Variants in SAMMSON observed in about 807,000 individuals in gnomAD.
SAMMSON encodes the protein survival associated mitochondrial melanoma specific oncogenic non-coding RNA, also known as long intergenic non-protein coding RNA 1212.
intron 3 of SAMMSON, among the ~76,000 whole-genome samples, chr3:70,023,753 C>T (rs1252302388): frequency 6.6e-6 from 1 of 152,182 alleles, no homozygotes; most frequent in Non-Finnish European, 1.5e-5. Flanking sequence ...CTATTTCGAG[C>T]TCTTGCCATG....
At chr3:70,124,814 C>CAAAAAAAAAAAAAAAAAAAAAAAAAA in intron 4 of SAMMSON, among the ~76,000 whole-genome samples, 1 of 53,698 alleles carries the variant, frequency 1.9e-5, no homozygotes, top group Non-Finnish European at 3.4e-5. Context: ...GACTCCATCT[C>CAAAAAAAAAAAAAAAAAAAAAAAAAA]AAAAAAAAAA....
intron 2 of SAMMSON, among the ~76,000 whole-genome samples, chr3:70,400,520 C>A (rs116604496): frequency 2.4e-3 from 365 of 152,268 alleles, no homozygotes; most frequent in African/African-American, 8.3e-3. Flanking sequence ...ACGCAGCTGC[C>A]CAATTGTGAA....
chr3:70,152,572 A>G (rs1275973575), intron 4 of SAMMSON, among the ~76,000 whole-genome samples: 2 of 151,924 alleles, frequency 1.3e-5, no homozygotes, highest in Non-Finnish European at 2.9e-5. Context: ...TTATTATCTA[A>G]CCCTCTCTGT....
At chr3:70,324,179 C>A (rs555648281) in intron 7 of SAMMSON, among the ~76,000 whole-genome samples, 1 of 103,766 alleles carries the variant, frequency 9.6e-6, no homozygotes, top group South Asian at 2.9e-4. Flanking sequence ...ATCTATCTAT[C>A]TATCTATCTA....
chr3:70,148,914 G>A (rs2067560058), intron 4 of SAMMSON, among the ~76,000 whole-genome samples: 1 of 152,064 alleles, frequency 6.6e-6, no homozygotes, highest in Non-Finnish European at 1.5e-5. Flanking sequence ...CTGAGATTAT[G>A]CCATCTGAGA....
At chr3:70,050,988 T>C (rs2067143646) in intron 3 of SAMMSON, among the ~76,000 whole-genome samples, 1 of 151,196 alleles carries the variant, frequency 6.6e-6, no homozygotes, top group Non-Finnish European at 1.5e-5. Context: ...ATACAAAAAT[T>C]AGCCAGGCAT....
chr3:70,184,243 T>C (rs959679086), intron 4 of SAMMSON: 1 of 152,228 alleles, frequency 6.6e-6, no homozygotes, highest in Non-Finnish European at 1.5e-5. Flanking sequence ...CTTTGGTTAA[T>C]ATATGTTTGG....
intron 3 of SAMMSON, chr3:70,013,983 A>AGAG (rs2066969950): frequency 6.6e-6 from 1 of 152,178 alleles, no homozygotes; most frequent in African/African-American, 2.4e-5. Context: ...TCCTCTTGTT[A>AGAG]GAGGCAGAGA....
At chr3:70,045,077 A>AACG (rs1491483667) in intron 3 of SAMMSON, among the ~76,000 whole-genome samples, 1 of 77,318 alleles carries the variant, frequency 1.3e-5, no homozygotes, top group Non-Finnish European at 2.2e-5. Flanking sequence ...TATTATAATT[A>AACG]ATATATATAA....
chr3:70,186,097 C>T (rs1289094009), intron 4 of SAMMSON, among the ~76,000 whole-genome samples: 1 of 152,182 alleles, frequency 6.6e-6, no homozygotes, highest in African/African-American at 2.4e-5. Flanking sequence ...CCACTTCAAA[C>T]ACAGAAAGAG....
At chr3:70,326,219 A>G (rs1702579701) in intron 7 of SAMMSON, among the ~76,000 whole-genome samples, 2 of 151,858 alleles carry the variant, frequency 1.3e-5, no homozygotes, top group South Asian at 4.1e-4. Context: ...CTCAGAGTGT[A>G]ACAATTGCAA....
chr3:70,283,786 G>A (rs13078037), intron 6 of SAMMSON: 66,312 of 146,430 alleles, frequency 0.45, 14,899 homozygotes, highest in East Asian at 0.65. Context: ...AAAAAAAAAA[G>A]AGAGAGAAGA....
chr3:70,206,680 T>C (rs946785979), intron 4 of SAMMSON: 3 of 397,834 alleles, frequency 7.5e-6, no homozygotes, highest in African/African-American at 6.2e-5. Flanking sequence ...TTTTTCTCAT[T>C]GGGGTTTTCC....
chr3:70,394,176 T>C (rs1318474123), downstream of SAMMSON, among the ~76,000 whole-genome samples: 1 of 152,176 alleles, frequency 6.6e-6, no homozygotes, highest in East Asian at 1.9e-4. Context: ...GACTCATTTC[T>C]GATCACAGGT....
intron 3 of SAMMSON, among the ~76,000 whole-genome samples, chr3:70,018,673 T>C (rs2066997669): frequency 6.6e-6 from 1 of 152,142 alleles, no homozygotes; most frequent in East Asian, 1.9e-4. Context: ...ATTGTGATGT[T>C]AGGGTGTCAA....
intron 9 of SAMMSON, among the ~76,000 whole-genome samples, chr3:70,381,697 T>G (rs1195896944): frequency 6.6e-6 from 1 of 151,798 alleles, no homozygotes; most frequent in Non-Finnish European, 1.5e-5. Flanking sequence ...AAAAACAAGT[T>G]AAATGGCACT....
chr3:70,242,129 A>G (rs1291206163), intron 4 of SAMMSON, among the ~76,000 whole-genome samples: 1 of 152,182 alleles, frequency 6.6e-6, no homozygotes, highest in African/African-American at 2.4e-5. Context: ...TAGGGATGAA[A>G]AGGAGTCTTG....
intron 4 of SAMMSON, among the ~76,000 whole-genome samples, chr3:70,190,074 T>C (rs1231132041): frequency 6.6e-6 from 1 of 152,180 alleles, no homozygotes; most frequent in Non-Finnish European, 1.5e-5. Flanking sequence ...GACTTTCCAC[T>C]TGGAATAGAA....
chr3:70,113,066 A>C (rs2067395918), intron 4 of SAMMSON, among the ~76,000 whole-genome samples: 1 of 152,214 alleles, frequency 6.6e-6, no homozygotes, highest in Non-Finnish European at 1.5e-5. Flanking sequence ...TGTTTGCCAC[A>C]GGATTAGTTT....
Sources: allele counts gnomAD v4.1 joint callset (sites outside exome capture counted in the v4.1 genomes callset), GRCh38; gene constraint gnomAD v4.1.1; transcripts MANE v1.5; gene names NCBI Gene and HGNC (gene_info 2026-07-23, HGNC 2026-07-21).